The following GSDME variants were observed in gnomAD, a reference collection of about 807,000 sequenced individuals.
The protein encoded by GSDME is gasdermin E.
A neutral mutation model predicts 47.5 loss-of-function variants in GSDME; 44 were observed. The observed-to-expected ratio is 0.93, with a 90% CI of 0.73 to 1.19. The LOEUF (loss-of-function observed/expected upper bound fraction) is 1.19. GSDME is among the 50% of genes most tolerant of loss of function. GSDME has a pLI of 0.00. For missense variants in GSDME, 663 were observed against 604.2 expected (o/e 1.10, Z -1.02); for synonymous variants, 258 against 252.8 (o/e 1.02, Z -0.20).
the GSDME span, among the ~76,000 whole-genome samples, chr7:24,766,801 T>C: frequency 6.6e-6 from 1 of 152,228 alleles, no homozygotes; most frequent in Non-Finnish European, 1.5e-5. This position sits in a 1 kb window ranked among gnomAD's most constrained non-coding sequence, Gnocchi z 4.2. Flanking sequence ...TGATTTATAA[T>C]CCTTTGGGTA....
At chr7:24,777,412 T>G in the GSDME span, among the ~76,000 whole-genome samples, 1 of 152,200 alleles carries the variant, frequency 6.6e-6, no homozygotes, top group Non-Finnish European at 1.5e-5. Context: ...ATCGAACCAC[T>G]GGAAGTTTGC....
chr7:24,734,796 G>GAAATAGTTTTGAA (rs773695247), intron 3 of GSDME, among the ~76,000 whole-genome samples: 1,706 of 152,194 alleles, frequency 0.011, 25 homozygotes, highest in South Asian at 0.068. Context: ...ACACCTAAAA[G>GAAATAGTTTTGAA]ACATAGAAAA....
At chr7:24,741,307 G>C (rs999830747) in intron 3 of GSDME, among the ~76,000 whole-genome samples, 2 of 151,562 alleles carry the variant, frequency 1.3e-5, no homozygotes, top group Non-Finnish European at 2.9e-5. Context: ...AATAATGAAA[G>C]CTTATTAAAC....
intron 3 of GSDME, among the ~76,000 whole-genome samples, chr7:24,743,408 C>T (rs1790549555): frequency 6.6e-6 from 1 of 152,170 alleles, no homozygotes; most frequent in Non-Finnish European, 1.5e-5. Context: ...GGAAAATGCA[C>T]ATGTTACTGT....
intron 2 of GSDME, among the ~76,000 whole-genome samples, chr7:24,747,177 C>G (rs1229684119): frequency 6.6e-6 from 1 of 152,138 alleles, no homozygotes; most frequent in African/African-American, 2.4e-5. Context: ...TTTTTACCCT[C>G]TTATTCCTTT....
the GSDME span, among the ~76,000 whole-genome samples, chr7:24,768,920 T>C: frequency 2.0e-5 from 3 of 152,258 alleles, no homozygotes; most frequent in Admixed American, 6.5e-5. This position sits in a 1 kb window ranked among gnomAD's most constrained non-coding sequence, Gnocchi z 5.6. Flanking sequence ...GCCCCTGGTA[T>C]GTGCTTGGCA....
chr7:24,755,613 G>A (rs1790989932), intron 1 of GSDME, among the ~76,000 whole-genome samples: 1 of 152,182 alleles, frequency 6.6e-6, no homozygotes, highest in East Asian at 1.9e-4. Flanking sequence ...GTTCCTGGAG[G>A]TCTTTGACTG....
Position 24,754,784 on chromosome 7 carries a change from T to A in GSDME, c.-20+2612A>T, listed in dbSNP as rs892369416. ...CTACTGCCTGTTAAGACTGATTCAG[T>A]CATGGAGTTATCTAGTTTTTAAATT... is the stretch of plus-strand genomic sequence containing the variant. On this transcript the variant is annotated intron_variant, in intron 1 of 9. Coordinates refer to ENST00000645220, the MANE Select transcript of GSDME (RefSeq NM_001127453.2). The surrounding 1 kb of genome is among the most constrained non-coding windows in gnomAD (Gnocchi z 5.0). Among the ~76,000 whole-genome samples, 2 of 152,202 alleles carry A rather than the reference T, an allele frequency of 1.3e-5. No homozygotes were observed. Among genetic ancestry groups the A allele is most frequent in the African/African-American group, 4.8e-5 (2 of 41,430 alleles).
chr7:24,774,463 A>T, the GSDME span, among the ~76,000 whole-genome samples: 8 of 151,562 alleles, frequency 5.3e-5, no homozygotes, highest in African/African-American at 1.9e-4. Flanking sequence ...TGGCTTTAAG[A>T]TCCTGGGTCT....
chr7:24,706,119 A>G (rs528192537), intron 8 of GSDME, 65 bp downstream of exon 8: 2 of 1,584,922 alleles, frequency 1.3e-6, no homozygotes. Flanking sequence ...CCCCAGAAGC[A>G]TAGATAGTAG....
In GSDME at chr7:24,724,841, T is replaced by C. The variant is rs1584078470; in HGVS notation, c.405-5623A>G. ...GTGGGAGGTGTCTGGGTCACGGGGG[T>C]GGATCCCTCATGAAAGGCTTGGTGC... On this transcript the variant is annotated intron_variant, in intron 3 of 9. Transcript: ENST00000645220. The surrounding 1 kb of genome is among the most constrained non-coding windows in gnomAD (Gnocchi z 4.8). The C allele has an allele frequency of 6.6e-6, 1 of 152,132 alleles. No homozygotes were observed. The highest frequency in any genetic ancestry group is 6.6e-5 in the Admixed American group (1 of 15,258). The allele number at this position is 152,132 out of a possible 1,614,324, so 9.4% of individuals were successfully genotyped here. A position where few individuals can be genotyped will look rare whatever the true frequency, so the allele number is the denominator to read the frequency against.
At position 24,742,115 on chromosome 7, in the gene GSDME, G is replaced by A. The variant is rs753030454; in HGVS notation, c.404+2447C>T. 6.6e-6 allele frequency among the ~76,000 whole-genome samples: 1 copy of A among 152,184 alleles called. No individual in the cohort carries two copies. Among genetic ancestry groups the A allele is most frequent in the Non-Finnish European group, 1.5e-5 (1 of 68,034 alleles). ...TGTCCAGGCACCTCCAGGAGAGCAG[G>A]CCTCGCTATGCACATGTGCCTGCTC... On this transcript the variant is annotated intron_variant, in intron 3 of 9. Coordinates refer to ENST00000645220, the MANE Select transcript of GSDME (RefSeq NM_001127453.2). This position sits in a 1 kb window ranked among gnomAD's most constrained non-coding sequence, Gnocchi z 4.4.
chr7:24,788,956 C>A, the GSDME span, among the ~76,000 whole-genome samples: 5,632 of 152,156 alleles, frequency 0.037, 360 homozygotes, highest in African/African-American at 0.13. The surrounding 1 kb of genome is among the most constrained non-coding windows in gnomAD (Gnocchi z 4.6). Flanking sequence ...ATGCAAATGT[C>A]TTTTATAGCT....
the GSDME span, among the ~76,000 whole-genome samples, chr7:24,780,686 C>G: frequency 2.0e-5 from 3 of 152,218 alleles, no homozygotes; most frequent in Admixed American, 2.0e-4. The surrounding 1 kb of genome is among the most constrained non-coding windows in gnomAD (Gnocchi z 4.1). Flanking sequence ...TAAATATTCA[C>G]AGGTGGTTAC....
intron 1 of GSDME, among the ~76,000 whole-genome samples, chr7:24,750,563 T>C (rs934840776): frequency 1.3e-5 from 2 of 152,178 alleles, no homozygotes; most frequent in African/African-American, 4.8e-5. Flanking sequence ...CAGTGAGCCA[T>C]GATCACGTCA....
rs1387821900 is a variant in GSDME, at chr7:24,736,684, A to G, written c.404+7878T>C. Among the ~76,000 whole-genome samples, 1 of 152,214 alleles carries G rather than the reference A, an allele frequency of 6.6e-6. No homozygotes were observed. Among genetic ancestry groups the G allele is most frequent in the Non-Finnish European group, 1.5e-5 (1 of 68,032 alleles). Reference sequence around the variant, plus strand: ...CAGACCCAATAGATATATACAGAACATTTCATCCAACAACTGAAGAATACA... The same window carrying G: ...CAGACCCAATAGATATATACAGAACGTTTCATCCAACAACTGAAGAATACA... On this transcript the variant is annotated intron_variant, in intron 3 of 9. Coordinates refer to ENST00000645220, the MANE Select transcript of GSDME (RefSeq NM_001127453.2). The surrounding 1 kb of genome is among the most constrained non-coding windows in gnomAD (Gnocchi z 4.6).
At chr7:24,759,889 G>T (rs1791140582), upstream of GSDME, among the ~76,000 whole-genome samples, 1 of 152,142 alleles carries the variant, frequency 6.6e-6, no homozygotes, top group African/African-American at 2.4e-5. Flanking sequence ...AAAAATAATT[G>T]TGCTTATTAT....
At chr7:24,717,926 T>G (rs1789631220) in intron 4 of GSDME, among the ~76,000 whole-genome samples, 1 of 152,146 alleles carries the variant, frequency 6.6e-6, no homozygotes, top group South Asian at 2.1e-4. Flanking sequence ...TTAAACACTC[T>G]CACAAACAGG....
the GSDME span, among the ~76,000 whole-genome samples, chr7:24,771,452 C>T: frequency 6.6e-6 from 1 of 152,194 alleles, no homozygotes; most frequent in South Asian, 2.1e-4. This position sits in a 1 kb window ranked among gnomAD's most constrained non-coding sequence, Gnocchi z 4.1. Context: ...AGAAAATTCA[C>T]TCAACACATT....
Sources: gnomAD v4.1 joint callset for allele counts (sites outside exome capture counted in the v4.1 genomes callset) on GRCh38, gnomAD v4.1.1 for gene constraint, Gnocchi (gnomAD v3.1) non-coding constraint, MANE v1.5 for transcripts, NCBI Gene and HGNC (gene_info 2026-07-23, HGNC 2026-07-21) for gene names.